Variants in SLC31A2 observed in about 807,000 individuals in gnomAD.
SLC31A2 encodes solute carrier family 31 member 2.
In SLC31A2, 16 loss-of-function variants were observed where a neutral mutation model predicts 14.4. The ratio of observed to expected loss-of-function variants is 1.11; its 90% CI spans 0.75 to 1.69. The LOEUF is 1.69. Ranked by LOEUF, SLC31A2 falls within the 40% of genes most tolerant of loss-of-function variation. SLC31A2 has a pLI of 0.00. For missense variants in SLC31A2, 140 were observed against 173.9 expected (o/e 0.81, Z 1.10); for synonymous variants, 56 against 68.7 (o/e 0.82, Z 0.91).
intron 1 of SLC31A2, among the ~76,000 whole-genome samples, chr9:113,155,336 C>A (rs545689426): frequency 1.3e-5 from 2 of 152,362 alleles, no homozygotes; most frequent in Admixed American, 6.5e-5. Flanking sequence ...AGGCAAAATT[C>A]TAGCTAGCAA....
chr9:113,156,849 A>G (rs1486519094), intron 1 of SLC31A2, among the ~76,000 whole-genome samples: 3 of 152,222 alleles, frequency 2.0e-5, no homozygotes, highest in African/African-American at 7.2e-5. Context: ...TGGAATGTCC[A>G]GGGCTTTGGA....
intron 1 of SLC31A2, among the ~76,000 whole-genome samples, chr9:113,157,322 C>T (rs538724004): frequency 1.3e-5 from 2 of 152,322 alleles, no homozygotes; most frequent in East Asian, 3.9e-4. Flanking sequence ...AAAGAGGACT[C>T]CAGGCTTCCA....
At chr9:113,162,638 T>C in intron 3 of SLC31A2, 111 bp from the exon 4 acceptor site, 3 of 1,005,740 alleles carry the variant, frequency 3.0e-6, no homozygotes, top group Non-Finnish European at 4.4e-6. Flanking sequence ...ATACAAGTTA[T>C]AAATCAATCG....
chr9:113,159,101 T>C (rs1239771786), intron 2 of SLC31A2, among the ~76,000 whole-genome samples: 1 of 151,986 alleles, frequency 6.6e-6, no homozygotes, highest in Non-Finnish European at 1.5e-5. Context: ...GGGAGGAGAA[T>C]TGGGGTGAAG....
intron 3 of SLC31A2, chr9:113,162,224 A>G (rs1050960170): frequency 1.9e-5 from 5 of 267,816 alleles, no homozygotes; most frequent in Non-Finnish European, 2.9e-5. Flanking sequence ...GCCACCCTAC[A>G]TGGGTGTCTC....
intron 3 of SLC31A2, chr9:113,162,033 A>G (rs1830021613): frequency 2.5e-6 from 1 of 402,062 alleles, no homozygotes; most frequent in African/African-American, 2.1e-5. Flanking sequence ...CTAGGCTCCC[A>G]TATCCAGGAG....
At chr9:113,162,684 T>G (rs989715046) in intron 3 of SLC31A2, 65 bp from the exon 4 acceptor site, 2 of 1,459,304 alleles carry the variant, frequency 1.4e-6, no homozygotes, top group South Asian at 2.5e-5. Context: ...CTCCCTGATA[T>G]CTACTCCCAG....
rs1830038614 is a variant in SLC31A2, at chr9:113,162,908, C to T, written c.423C>T (p.Ser141=). 1 of 1,608,862 alleles carries T rather than the reference C, an allele frequency of 6.2e-7. No individual in the cohort carries two copies. Among genetic ancestry groups the T allele is most frequent in the African/African-American group, 1.3e-5 (1 of 74,760 alleles). The change falls in exon 4 of 4, where the codon AGC becomes AGT. Residue 141 remains serine, a synonymous_variant. Transcript: ENST00000259392. ...ACTACCTAGCTTACCCACTTCTCAG[C>T]ACAGCTTAGCTGGTGAGGAACGTGC... The part of the protein sequence containing the change: ...VGYYLAYPLL[S]TA
chr9:113,163,016 C>T lies in SLC31A2; in HGVS notation c.*99C>T. On this transcript the variant is annotated 3_prime_UTR_variant, in exon 4 of 4. Transcript: ENST00000259392. Reference sequence around the variant, plus strand: ...GCCCTTTCTTCTGATGGCTATTCCTCCACCTTATTCCCAGCCCCTGGAAAC... The same window carrying T: ...GCCCTTTCTTCTGATGGCTATTCCTTCACCTTATTCCCAGCCCCTGGAAAC... The T allele has an allele frequency of 8.8e-7, 1 of 1,140,772 alleles. No individual in the cohort carries two copies. The highest frequency in any genetic ancestry group is 1.2e-6 in the Non-Finnish European group (1 of 839,178). 70.7% of individuals were successfully genotyped at this position (1,140,772 alleles called of 1,614,324 possible).
chr9:113,151,163 C>T lies in SLC31A2; in HGVS notation c.6+83C>T, dbSNP rs935144992. On this transcript the variant is annotated intron_variant, in intron 1 of 3. Coordinates refer to ENST00000259392, the MANE Select transcript of SLC31A2 (RefSeq NM_001860.3). This position sits in a 1 kb window ranked among gnomAD's most constrained non-coding sequence, Gnocchi z 4.2. The stretch of plus-strand genomic sequence containing the variant: ...CTGCCATCTCGGCACCCCGAATCCT[C>T]GCTGCCGCTGGCCCGGGGCTGGTGA... 6 of 1,237,742 alleles carry T rather than the reference C, an allele frequency of 4.8e-6. No homozygotes were observed. The highest frequency in any genetic ancestry group is 6.2e-6 in the Non-Finnish European group (6 of 973,268). 76.7% of individuals were successfully genotyped at this position (1,237,742 alleles called of 1,614,324 possible).
intron 2 of SLC31A2, among the ~76,000 whole-genome samples, chr9:113,160,447 CAG>C (rs1195125208): frequency 2.0e-5 from 3 of 152,178 alleles, no homozygotes; most frequent in Non-Finnish European, 4.4e-5. Flanking sequence ...ATGATCCAAT[CAG>C]GGTGACTGGG....
chr9:113,152,066 A>C (rs911851879), intron 1 of SLC31A2: 1 of 152,282 alleles, frequency 6.6e-6, no homozygotes, highest in African/African-American at 2.4e-5. Flanking sequence ...CCAGCCAGTC[A>C]GCCTAGCAAC....
intron 1 of SLC31A2, chr9:113,156,224 A>G (rs1025465706): frequency 2.5e-5 from 12 of 483,254 alleles, no homozygotes; most frequent in African/African-American, 7.8e-5. Flanking sequence ...GTCTCACTCC[A>G]TATCTTCCTC....
At position 113,151,842 on chromosome 9, in the gene SLC31A2, A is replaced by G. The variant is rs1232933146; in HGVS notation, c.6+762A>G. 1 of 152,110 alleles carries G rather than the reference A, an allele frequency of 6.6e-6. No individual in the cohort carries two copies. Among genetic ancestry groups the G allele is most frequent in the African/African-American group, 2.4e-5 (1 of 41,390 alleles). 9.4% of individuals were successfully genotyped at this position (152,110 alleles called of 1,614,324 possible). A position where few individuals can be genotyped will look rare whatever the true frequency, so the allele number is the denominator to read the frequency against. On this transcript the variant is annotated intron_variant, in intron 1 of 3. Coordinates refer to ENST00000259392, the MANE Select transcript of SLC31A2 (RefSeq NM_001860.3). The surrounding 1 kb of genome is among the most constrained non-coding windows in gnomAD (Gnocchi z 4.2). ...GTGGCAGGCGCCTGTAATCCCAGCT[A>G]CTCGGAGGCTGAGGCAGGATGAGGA...
intron 3 of SLC31A2, 161 bp from the exon 4 acceptor site, chr9:113,162,588 G>T: frequency 1.7e-6 from 1 of 583,272 alleles, no homozygotes; most frequent in South Asian, 2.7e-5. Flanking sequence ...TCTGGGGGCG[G>T]GGGTGGGAGG....
At chr9:113,158,583 A>G (rs556658062) in intron 2 of SLC31A2, among the ~76,000 whole-genome samples, 2 of 152,266 alleles carry the variant, frequency 1.3e-5, no homozygotes, top group East Asian at 3.9e-4. Flanking sequence ...TCTCATGCCA[A>G]GTGGCTGATA....
chr9:113,162,844 G>C lies in SLC31A2; in HGVS notation c.359G>C (p.Trp120Ser), dbSNP rs1286726416. ...IMLAVMSYNT[W>S]IFLGVVLGSA... Reference sequence around the variant, plus strand: ...CTGGCCGTAATGTCCTACAACACCTGGATTTTCCTTGGTGTGGTCTTGGGC... The same window carrying C: ...CTGGCCGTAATGTCCTACAACACCTCGATTTTCCTTGGTGTGGTCTTGGGC... The change falls in exon 4 of 4, where the codon TGG becomes TCG. Residue 120 changes from tryptophan (W) to serine (S), a missense_variant. By Grantham distance (177) the Trp-to-Ser change is radical. Transcript: ENST00000259392. The C allele has an allele frequency of 1.9e-6, 3 of 1,613,560 alleles. No individual in the cohort carries two copies. The Admixed American group carries it at 5.0e-5, about 27-fold the overall frequency.
chr9:113,154,840 C>T (rs1008041153), intron 1 of SLC31A2, among the ~76,000 whole-genome samples: 9 of 152,214 alleles, frequency 5.9e-5, no homozygotes, highest in African/African-American at 2.2e-4. Flanking sequence ...TGTCCCATCC[C>T]CAGACTGGTC....
chr9:113,162,047 A>T (rs1830021933), intron 3 of SLC31A2: 4 of 380,452 alleles, frequency 1.1e-5, no homozygotes, highest in South Asian at 9.1e-5. Context: ...CCAGGAGGGG[A>T]TCTGCAGCTG....
Sources: allele counts gnomAD v4.1 joint callset (sites outside exome capture counted in the v4.1 genomes callset), GRCh38; gene constraint gnomAD v4.1.1; non-coding constraint Gnocchi (gnomAD v3.1); transcripts MANE v1.5; gene names NCBI Gene and HGNC (gene_info 2026-07-23, HGNC 2026-07-21).